WWTR1: variants seen among roughly 807,000 people sequenced by gnomAD.
WWTR1 encodes WW domain-containing transcription regulator protein 1.
In WWTR1, 13 loss-of-function variants were observed where a neutral mutation model predicts 40.1. The observed-to-expected ratio is 0.32, with a 90% CI of 0.21 to 0.52. The LOEUF (loss-of-function observed/expected upper bound fraction) is 0.52. WWTR1 is among the 20% of genes least tolerant of loss of function. WWTR1 has a pLI of 0.97. For missense variants in WWTR1, 436 were observed against 523.1 expected, an observed-to-expected ratio of 0.83 and a Z score of 1.63; for synonymous variants, 230 against 210.1, an observed-to-expected ratio of 1.09 and a Z score of -0.82.
chr3:149,678,228 C>CTT (rs1306515465), intron 1 of WWTR1, among the ~76,000 whole-genome samples: 1 of 152,154 alleles, frequency 6.6e-6, no homozygotes, highest in Non-Finnish European at 1.5e-5. Context: ...TCACAGAACA[C>CTT]TTATACACAG....
chr3:149,689,403 C>T (rs1305762983), intron 1 of WWTR1, among the ~76,000 whole-genome samples: 2 of 84,980 alleles, frequency 2.4e-5, no homozygotes, highest in Non-Finnish European at 5.2e-5. Flanking sequence ...AAAAAAAAAG[C>T]AAAGAAGACA....
exon 4 of WWTR1, chr3:149,724,127 G>T (rs1045080094): frequency 1.3e-5 from 2 of 152,062 alleles, no homozygotes; most frequent in Non-Finnish European, 2.9e-5. Flanking sequence ...GGGAAGATAG[G>T]TTCCTCTTTT....
At chr3:149,660,421 T>C (rs1406664347), upstream of WWTR1, 2 of 152,196 alleles carry the variant, frequency 1.3e-5, no homozygotes, top group Non-Finnish European at 2.9e-5. Context: ...AAGAAATAGA[T>C]AGTGCAACAG....
upstream of WWTR1, chr3:149,658,786 G>A (rs1227036643): frequency 5.2e-5 from 8 of 152,440 alleles, no homozygotes; most frequent in African/African-American, 1.9e-4. Context: ...GGCCACTAGA[G>A]ATTGAGAAGA....
At chr3:149,541,400 T>C (rs1035357708) in intron 4 of WWTR1, among the ~76,000 whole-genome samples, 2 of 152,180 alleles carry the variant, frequency 1.3e-5, no homozygotes, top group Non-Finnish European at 2.9e-5. Flanking sequence ...ACTGACGGAA[T>C]GAAAACTGAA....
intron 2 of WWTR1, among the ~76,000 whole-genome samples, chr3:149,610,696 C>T (rs1403568924): frequency 6.6e-6 from 1 of 152,200 alleles, no homozygotes; most frequent in Admixed American, 6.5e-5. Context: ...AGAGCTCAGC[C>T]ATCCAGAAGG....
intron 1 of WWTR1, among the ~76,000 whole-genome samples, chr3:149,686,218 C>T (rs1714639839): frequency 6.6e-6 from 1 of 152,190 alleles, no homozygotes; most frequent in East Asian, 1.9e-4. Flanking sequence ...TCTGCTCTAC[C>T]ATTCTTGGAG....
chr3:149,606,191 T>C (rs1426095541), intron 2 of WWTR1, among the ~76,000 whole-genome samples: 2 of 152,222 alleles, frequency 1.3e-5, no homozygotes, highest in African/African-American at 2.4e-5. Flanking sequence ...TAAATGTTTG[T>C]TGTTTCCTGA....
At chr3:149,583,938 C>T (rs1738281117) in intron 2 of WWTR1, among the ~76,000 whole-genome samples, 1 of 152,162 alleles carries the variant, frequency 6.6e-6, no homozygotes, top group Admixed American at 6.5e-5. Flanking sequence ...AAATGTTTCC[C>T]ATATCAACTG....
At chr3:149,717,809 G>A (rs1232435777) in intron 4 of WWTR1, among the ~76,000 whole-genome samples, 2 of 152,172 alleles carry the variant, frequency 1.3e-5, no homozygotes, top group East Asian at 3.9e-4. Context: ...CTCTCTTATG[G>A]AAATTCAGGA....
chr3:149,692,647 G>GTTTGTTTT (rs1290190706), intron 1 of WWTR1, among the ~76,000 whole-genome samples: 37 of 151,016 alleles, frequency 2.5e-4, no homozygotes, highest in Middle Eastern at 3.5e-3. Context: ...TTGTTTGTTT[G>GTTTGTTTT]TTTGAGACGG....
rs566616863 is a variant in WWTR1, at chr3:149,558,313, T to A, written c.568+14551A>T. ...AAAAAAAAACCTACCTGTGTGTATATAGCTGCACAGATATATTATGTGTCA... is the reference window on the plus strand; with the variant it reads ...AAAAAAAAACCTACCTGTGTGTATAAAGCTGCACAGATATATTATGTGTCA... On this transcript the variant is annotated intron_variant, in intron 3 of 6. Coordinates refer to ENST00000360632, the MANE Select transcript of WWTR1 (RefSeq NM_015472.6). Among the ~76,000 whole-genome samples, 11 of 152,296 alleles carry A rather than the reference T, an allele frequency of 7.2e-5. 1 individual carries two copies. In the South Asian group the frequency reaches 2.3e-3, roughly 32 times the overall value.
chr3:149,698,176 A>G (rs1354036178), intron 1 of WWTR1, among the ~76,000 whole-genome samples: 1 of 152,034 alleles, frequency 6.6e-6, no homozygotes, highest in Non-Finnish European at 1.5e-5. Flanking sequence ...CTGTGTCCCC[A>G]CCCAAATCTC....
At chr3:149,710,567 G>GCCCACC (rs1268882455) in intron 5 of WWTR1, among the ~76,000 whole-genome samples, 1 of 30,294 alleles carries the variant, frequency 3.3e-5, no homozygotes, top group Non-Finnish European at 6.4e-5. Context: ...CATTATCCCC[G>GCCCACC]CCTCCCCCCC....
intron 1 of WWTR1, among the ~76,000 whole-genome samples, chr3:149,684,567 T>A (rs1209372241): frequency 1.3e-5 from 2 of 152,002 alleles, no homozygotes; most frequent in African/African-American, 2.4e-5. Context: ...TATTCTTTTT[T>A]TTTTTTTCCT....
At chr3:149,550,346 ATAAT>A (rs1181744055) in intron 3 of WWTR1, among the ~76,000 whole-genome samples, 3 of 152,204 alleles carry the variant, frequency 2.0e-5, no homozygotes, top group African/African-American at 7.2e-5. Flanking sequence ...GAAAGTTAAA[ATAAT>A]TTATTTTATT....
chr3:149,544,177 TAA>T (rs1475254149), intron 3 of WWTR1, among the ~76,000 whole-genome samples: 4 of 152,052 alleles, frequency 2.6e-5, no homozygotes, highest in African/African-American at 4.8e-5. Context: ...CTCCATATAT[TAA>T]ATATATGTAT....
chr3:149,626,671 C>T (rs1740558516), intron 2 of WWTR1, among the ~76,000 whole-genome samples: 1 of 151,870 alleles, frequency 6.6e-6, no homozygotes, highest in Admixed American at 6.6e-5. Context: ...GGGAAGATAC[C>T]AGAGGTATCT....
chr3:149,538,215 T>TA (rs1440196192), intron 4 of WWTR1, among the ~76,000 whole-genome samples: 1 of 152,160 alleles, frequency 6.6e-6, no homozygotes, highest in Non-Finnish European at 1.5e-5. Flanking sequence ...CCACCACGCT[T>TA]AGTCAAAAAT....
Sources: gnomAD v4.1 joint callset for allele counts (sites outside exome capture counted in the v4.1 genomes callset) on GRCh38, gnomAD v4.1.1 for gene constraint, MANE v1.5 for transcripts, NCBI Gene and HGNC (gene_info 2026-07-23, HGNC 2026-07-21) for gene names.